The following RSU1 variants were observed in gnomAD, a reference collection of about 807,000 sequenced individuals.
RSU1 encodes rsu-1.
RSU1 carries 26 observed loss-of-function variants against 31.1 expected under a neutral mutation model. The observed-to-expected ratio is 0.84, with a 90% CI of 0.61 to 1.16. The LOEUF is 1.16. Ranked by LOEUF, RSU1 falls within the 50% of genes most tolerant of loss-of-function variation. The pLI, the probability that RSU1 is intolerant of heterozygous loss-of-function variation, is 0.00. For synonymous variants in RSU1, 164 were observed against 136.3 expected (o/e 1.20, Z -1.41); for missense variants, 320 against 339.1 (o/e 0.94, Z 0.44).
intron 8 of RSU1, among the ~76,000 whole-genome samples, chr10:16,596,445 A>G (rs1290028429): frequency 6.6e-6 from 1 of 152,098 alleles, no homozygotes; most frequent in South Asian, 2.1e-4. Flanking sequence ...TCAGATGTTG[A>G]TCTACTCAGG....
chr10:16,804,151 C>T (rs970911419), intron 2 of RSU1, among the ~76,000 whole-genome samples: 2 of 152,016 alleles, frequency 1.3e-5, no homozygotes, highest in Admixed American at 1.3e-4. Context: ...TTAAAAAGTA[C>T]GTGAAAAATC....
chr10:16,735,576 C>G (rs1458446117), intron 7 of RSU1, among the ~76,000 whole-genome samples: 1 of 152,112 alleles, frequency 6.6e-6, no homozygotes, highest in African/African-American at 2.4e-5. Context: ...AAGACATACC[C>G]AAGACTACAT....
chr10:16,632,973 T>A (rs1834278933), intron 8 of RSU1, among the ~76,000 whole-genome samples: 1 of 152,042 alleles, frequency 6.6e-6, no homozygotes, highest in Non-Finnish European at 1.5e-5. Flanking sequence ...TGAAGACAAA[T>A]ATAAATGCAG....
chr10:16,746,217 C>T (rs1269790065), intron 7 of RSU1, among the ~76,000 whole-genome samples: 9 of 152,154 alleles, frequency 5.9e-5, no homozygotes, highest in Non-Finnish European at 1.3e-4. Flanking sequence ...CTCATAGTTA[C>T]TGTAGTAAAA....
chr10:16,632,354 TTTGA>T (rs1834267075), intron 8 of RSU1, among the ~76,000 whole-genome samples: 1 of 152,164 alleles, frequency 6.6e-6, no homozygotes, highest in African/African-American at 2.4e-5. Context: ...TTTAAAACTC[TTTGA>T]TTGGGACTCC....
chr10:16,717,063 TA>T (rs1211178018), intron 7 of RSU1, among the ~76,000 whole-genome samples: 2 of 152,346 alleles, frequency 1.3e-5, no homozygotes, highest in South Asian at 4.1e-4. Flanking sequence ...AAATTAACTT[TA>T]TTTTTTTATT....
chr10:16,720,852 G>A (rs1836242789), intron 7 of RSU1, among the ~76,000 whole-genome samples: 1 of 152,126 alleles, frequency 6.6e-6, no homozygotes, highest in Non-Finnish European at 1.5e-5. Context: ...TGGGCATGGT[G>A]GTGCACTCCT....
chr10:16,642,713 T>A (rs894402656), intron 8 of RSU1, among the ~76,000 whole-genome samples: 6 of 152,220 alleles, frequency 3.9e-5, no homozygotes, highest in Non-Finnish European at 5.9e-5. Context: ...GTAAAAGCAC[T>A]AATCTTAAAC....
chr10:16,685,109 G>T (rs1835416271), intron 8 of RSU1, among the ~76,000 whole-genome samples: 1 of 152,104 alleles, frequency 6.6e-6, no homozygotes, highest in African/African-American at 2.4e-5. Context: ...AATTAGCTGG[G>T]CATGGTAGTG....
chr10:16,612,294 T>C (rs1484735213), intron 8 of RSU1, among the ~76,000 whole-genome samples: 3 of 152,218 alleles, frequency 2.0e-5, no homozygotes, highest in Non-Finnish European at 4.4e-5. Flanking sequence ...GCAGAGAACA[T>C]AAGGAGGAGG....
chr10:16,677,563 A>G (rs180844577), intron 8 of RSU1, among the ~76,000 whole-genome samples: 2 of 152,298 alleles, frequency 1.3e-5, no homozygotes, highest in Admixed American at 1.3e-4. Flanking sequence ...TGTATCATGC[A>G]TGTGTACAGT....
chr10:16,775,688 G>A (rs529482834), intron 3 of RSU1, among the ~76,000 whole-genome samples: 8 of 152,220 alleles, frequency 5.3e-5, no homozygotes, highest in East Asian at 1.9e-4. Flanking sequence ...CCAAAAAATC[G>A]CAACACATGC....
Position 16,651,807 on chromosome 10 carries a change from T to TA in RSU1, c.731+43215dup, listed in dbSNP as rs553879905. Among the ~76,000 whole-genome samples the TA allele has an allele frequency of 2.4e-3, 367 of 152,328 alleles. 1 individual carries two copies. Among genetic ancestry groups the TA allele is most frequent in the African/African-American group, 8.4e-3 (349 of 41,580 alleles). On this transcript the variant is annotated intron_variant, in intron 8 of 8. Transcript: ENST00000345264. ...TAGCTTTTATACCTAATGAAGCCTT[T>TA]AAAAAATAACAAATAACTGACTTAA...
chr10:16,708,949 C>A (rs1306722202), intron 7 of RSU1, among the ~76,000 whole-genome samples: 1 of 151,200 alleles, frequency 6.6e-6, no homozygotes. Flanking sequence ...TATCCCATAA[C>A]TACTGAATTC....
At chr10:16,666,998 C>A (rs1588703224) in intron 8 of RSU1, among the ~76,000 whole-genome samples, 1 of 150,756 alleles carries the variant, frequency 6.6e-6, no homozygotes, top group Non-Finnish European at 1.5e-5. Context: ...GACTCCGCAT[C>A]AAAAAAAACC....
At chr10:16,761,136 T>C (rs1837204997) in intron 4 of RSU1, among the ~76,000 whole-genome samples, 1 of 152,068 alleles carries the variant, frequency 6.6e-6, no homozygotes, top group Admixed American at 6.6e-5. Context: ...AGAGACAAGG[T>C]TTCGCCACGT....
At chr10:16,784,684 C>T (rs1032779092) in intron 2 of RSU1, among the ~76,000 whole-genome samples, 3 of 152,206 alleles carry the variant, frequency 2.0e-5, no homozygotes, top group African/African-American at 7.2e-5. Context: ...AGCAAAGGCA[C>T]ATCTTACATG....
intron 4 of RSU1, among the ~76,000 whole-genome samples, chr10:16,759,691 G>A (rs902984266): frequency 6.6e-6 from 1 of 152,134 alleles, no homozygotes; most frequent in African/African-American, 2.4e-5. Context: ...GATAATTGTT[G>A]AAGCCACATC....
intron 7 of RSU1, among the ~76,000 whole-genome samples, chr10:16,708,309 ATATT>A (rs948397762): frequency 5.9e-5 from 9 of 152,168 alleles, no homozygotes; most frequent in Admixed American, 4.6e-4. Flanking sequence ...AAGAGTAAAT[ATATT>A]TATTATTTAT....
Sources: allele counts gnomAD v4.1 joint callset (sites outside exome capture counted in the v4.1 genomes callset), GRCh38; gene constraint gnomAD v4.1.1; transcripts MANE v1.5; gene names NCBI Gene and HGNC (gene_info 2026-07-23, HGNC 2026-07-21).